Variants in MEIKIN observed in about 807,000 individuals in gnomAD.
The protein encoded by MEIKIN is meiotic kinetochore factor, also known as meiosis-specific kinetochore protein.
At chr5:131,849,458 A>G (rs912218510) in intron 11 of MEIKIN, among the ~76,000 whole-genome samples, 1 of 13,720 alleles carries the variant, frequency 7.3e-5, no homozygotes, top group African/African-American at 3.0e-4. Flanking sequence ...CTTTATATAT[A>G]TAAAGAAACC....
intron 8 of MEIKIN, among the ~76,000 whole-genome samples, chr5:131,908,606 G>A (rs1751283195): frequency 6.6e-6 from 1 of 152,028 alleles, no homozygotes; most frequent in Non-Finnish European, 1.5e-5. Flanking sequence ...AGCAATAAAG[G>A]GCATCTGAAT....
chr5:131,836,112 A>T (rs1749802033), intron 11 of MEIKIN, among the ~76,000 whole-genome samples: 1 of 152,044 alleles, frequency 6.6e-6, no homozygotes, highest in Non-Finnish European at 1.5e-5. Context: ...TGTTCTTATC[A>T]TTTAGCTCTC....
chr5:131,808,753 CT>C (rs1462385212), intron 12 of MEIKIN, among the ~76,000 whole-genome samples: 11 of 152,154 alleles, frequency 7.2e-5, no homozygotes, highest in Admixed American at 7.2e-4. Context: ...CAAATCACCC[CT>C]ATACTTCCTG....
In MEIKIN at chr5:131,830,883, C is replaced by T. The variant is rs60364144; in HGVS notation, c.976-12020G>A. Among the ~76,000 whole-genome samples the T allele has an allele frequency of 2.5e-3, 382 of 150,946 alleles. 2 individuals carry two copies. Among genetic ancestry groups the T allele is most frequent in the African/African-American group, 8.8e-3 (364 of 41,194 alleles). ...TAAAAACAAGAACAAACAAAACCTA[C>T]AAATCTGAGGAGGACTTTGGTTTTT... is the stretch of plus-strand genomic sequence containing the variant. On this transcript the variant is annotated intron_variant, in intron 11 of 12. Transcript: ENST00000442687.
intron 8 of MEIKIN, among the ~76,000 whole-genome samples, chr5:131,889,816 T>C (rs7716115): frequency 6.6e-6 from 1 of 152,230 alleles, no homozygotes; most frequent in Non-Finnish European, 1.5e-5. Flanking sequence ...GCTTCCAGTT[T>C]TTGGCCATTC....
rs1750743835 is a variant in MEIKIN at position 131,884,467 on chromosome 5, C to G, written c.704-5419G>C. 2.6e-5 allele frequency among the ~76,000 whole-genome samples: 4 copies of G among 151,778 alleles called. No individual in the cohort carries two copies. The South Asian group carries it at 8.4e-4, about 32-fold the overall frequency. ...CCCACTGCCTTGAAGGGAAGGAAGA[C>G]CCAATCCTGGCAGGTTTCATCACCT... On this transcript the variant is annotated intron_variant, in intron 8 of 12. Coordinates refer to ENST00000442687, the MANE Select transcript of MEIKIN (RefSeq NM_001303622.2).
At chr5:131,886,144 C>T (rs115920259) in intron 8 of MEIKIN, among the ~76,000 whole-genome samples, 2,623 of 152,040 alleles carry the variant, frequency 0.017, 36 homozygotes, top group South Asian at 0.075. Flanking sequence ...TAAAAAACAA[C>T]GAAGCATGTT....
At chr5:131,935,267 C>CAAAAAA (rs749135114) in intron 4 of MEIKIN, among the ~76,000 whole-genome samples, 13 of 36,588 alleles carry the variant, frequency 3.6e-4, no homozygotes, top group South Asian at 8.5e-4. Flanking sequence ...CCCGTCTCTA[C>CAAAAAA]AAAAAAAAAA....
At chr5:131,891,120 G>C (rs1750907456) in intron 8 of MEIKIN, among the ~76,000 whole-genome samples, 1 of 152,196 alleles carries the variant, frequency 6.6e-6, no homozygotes, top group South Asian at 2.1e-4. Flanking sequence ...ATTTGCTGAG[G>C]AGTGTTTTAC....
At chr5:131,844,960 C>A (rs1434336568) in intron 11 of MEIKIN, among the ~76,000 whole-genome samples, 2 of 152,058 alleles carry the variant, frequency 1.3e-5, no homozygotes, top group Non-Finnish European at 2.9e-5. Context: ...ACAATGAAAA[C>A]AAAAACAATT....
chr5:131,876,029 A>C (rs1332006974), intron 9 of MEIKIN, among the ~76,000 whole-genome samples: 1 of 152,230 alleles, frequency 6.6e-6, no homozygotes, highest in African/African-American at 2.4e-5. Flanking sequence ...TTAGACCTAA[A>C]GCCATAAAAA....
chr5:131,878,882 A>C (rs1750657638), intron 9 of MEIKIN, 96 bp downstream of exon 9: 1 of 387,490 alleles, frequency 2.6e-6, no homozygotes, highest in African/African-American at 2.1e-5. Context: ...TTCTTAAAAA[A>C]AAAAAAAAAA....
At chr5:131,922,072 A>T (rs1280176781) in intron 5 of MEIKIN, 131 bp from the exon 6 acceptor site, 1 of 392,386 alleles carries the variant, frequency 2.5e-6, no homozygotes, top group African/African-American at 2.1e-5. Context: ...TTTGGATGAG[A>T]CAGAAAAAAA....
chr5:131,874,441 A>G (rs1296308170), intron 9 of MEIKIN, among the ~76,000 whole-genome samples: 1 of 152,252 alleles, frequency 6.6e-6, no homozygotes, highest in Non-Finnish European at 1.5e-5. Context: ...CCAAGACTAA[A>G]CCAGGAAGAA....
At chr5:131,876,790 T>C (rs1479029210) in intron 9 of MEIKIN, among the ~76,000 whole-genome samples, 2 of 151,800 alleles carry the variant, frequency 1.3e-5, no homozygotes, top group East Asian at 3.9e-4. Context: ...ATGTGGCGCA[T>C]ATATACCATG....
chr5:131,848,408 C>T (rs1466176209), intron 11 of MEIKIN, among the ~76,000 whole-genome samples: 2 of 152,150 alleles, frequency 1.3e-5, no homozygotes, highest in African/African-American at 4.8e-5. Flanking sequence ...TGTATATCAA[C>T]AAATTTGATA....
chr5:131,866,729 G>C (rs1196478804), intron 9 of MEIKIN, among the ~76,000 whole-genome samples: 2 of 152,170 alleles, frequency 1.3e-5, no homozygotes, highest in African/African-American at 2.4e-5. Context: ...AGAATTCATG[G>C]AACTGACAGT....
chr5:131,817,401 C>T (rs1431817473), intron 12 of MEIKIN, among the ~76,000 whole-genome samples: 4 of 151,874 alleles, frequency 2.6e-5, no homozygotes, highest in South Asian at 2.1e-4. Context: ...CACAAGGTCA[C>T]GAGATCGAGA....
At chr5:131,885,797 C>T (rs1291809918) in intron 8 of MEIKIN, among the ~76,000 whole-genome samples, 1 of 152,128 alleles carries the variant, frequency 6.6e-6, no homozygotes, top group African/African-American at 2.4e-5. Flanking sequence ...ACCAAACAGG[C>T]TCACCAAATG....
Sources: allele counts gnomAD v4.1 joint callset (sites outside exome capture counted in the v4.1 genomes callset), GRCh38; gene constraint gnomAD v4.1.1; transcripts MANE v1.5; gene names NCBI Gene and HGNC (gene_info 2026-07-23, HGNC 2026-07-21).